The following RAPGEF6 variants were observed in gnomAD, a reference collection of about 807,000 sequenced individuals.
RAPGEF6 encodes the protein Rap guanine nucleotide exchange factor 6.
Under a neutral mutation model 171.4 loss-of-function variants are expected in RAPGEF6, and 56 were observed. The ratio of observed to expected loss-of-function variants is 0.33; its 90% CI spans 0.26 to 0.41. The LOEUF (loss-of-function observed/expected upper bound fraction) is 0.41, where lower values mean the gene tolerates loss of function less well. Among genes scored for constraint, RAPGEF6 ranks in the 10% least tolerant of loss-of-function variants. The pLI, the probability that RAPGEF6 is intolerant of heterozygous loss-of-function variation, is 1.00. For missense variants in RAPGEF6, 1,674 were observed against 1,921.4 expected, an observed-to-expected ratio of 0.87 and a Z score of 2.41; for synonymous variants, 692 against 650.1, an observed-to-expected ratio of 1.06 and a Z score of -0.98.
In RAPGEF6 at chr5:131,479,593, A is replaced by G. The variant is rs769713702; in HGVS notation, c.2001T>C (p.Asn667=). ...TTTTGTTTCTTCCACCTGAAACAGTATTTGCTTTAACTTTCTTACTTCCTT... is the reference window on the plus strand; with the variant it reads ...TTTTGTTTCTTCCACCTGAAACAGTGTTTGCTTTAACTTTCTTACTTCCTT... The part of the protein sequence containing the change: ...QEKGSKKVKA[N]TVSGGRNKIR... Residue 667 remains asparagine (N), a synonymous_variant, in exon 16 of 28, where the codon AAT becomes AAC. Coordinates refer to ENST00000509018, the MANE Select transcript of RAPGEF6 (RefSeq NM_016340.6). 1.9e-6 allele frequency: 3 copies of G among 1,613,812 alleles called. No homozygotes were observed. Among genetic ancestry groups the G allele is most frequent in the Non-Finnish European group, 2.5e-6 (3 of 1,179,948 alleles).
chr5:131,530,475 C>T (rs550611368), intron 6 of RAPGEF6, among the ~76,000 whole-genome samples: 2 of 151,934 alleles, frequency 1.3e-5, no homozygotes, highest in Non-Finnish European at 2.9e-5. Context: ...GTAGCATAGG[C>T]AAAAATACAT....
chr5:131,489,587 T>C lies in RAPGEF6; in HGVS notation c.1799A>G (p.Asn600Ser). ...TFMKAVEILR[N>S]NTHLALTVKT... ...CACAGTAAGTGCAAGATGAGTATTA[T>C]TCCTCAAAATTTCAACGGCTTTCAT... is the stretch of plus-strand genomic sequence containing the variant. The change falls in exon 15 of 28, where the codon AAT (asparagine) becomes AGT (serine). Residue 600 changes from asparagine (N) to serine (S), a missense_variant. Asn to Ser is a conservative substitution (Grantham distance 46). Around this residue, in one of 3 missense-constraint regions of RAPGEF6, gnomAD observed 1,116 missense variants for 1,321.5 expected, o/e 0.84. Transcript: ENST00000509018. 2 of 1,601,062 alleles carry C rather than the reference T, an allele frequency of 1.2e-6. No individual in the cohort carries two copies. Among genetic ancestry groups the C allele is most frequent in the Non-Finnish European group, 1.7e-6 (2 of 1,174,092 alleles).
At chr5:131,591,607 T>C in intron 4 of RAPGEF6, among the ~76,000 whole-genome samples, 1 of 152,188 alleles carries the variant, frequency 6.6e-6, no homozygotes, top group East Asian at 1.9e-4. Context: ...TAGACTTCTG[T>C]TGAGAACATT....
intron 15 of RAPGEF6, among the ~76,000 whole-genome samples, chr5:131,483,977 T>C (rs977357619): frequency 4.0e-5 from 6 of 150,130 alleles, no homozygotes; most frequent in African/African-American, 1.5e-4. Flanking sequence ...GCACCTGTAG[T>C]CCCAGCTACT....
At chr5:131,509,844 TAACA>T (rs1258654995) in intron 8 of RAPGEF6, among the ~76,000 whole-genome samples, 5 of 152,312 alleles carry the variant, frequency 3.3e-5, no homozygotes, top group African/African-American at 1.2e-4. Flanking sequence ...TTACCTGGTA[TAACA>T]AACAGAATTT....
intron 6 of RAPGEF6, among the ~76,000 whole-genome samples, chr5:131,532,566 C>T (rs887291135): frequency 6.6e-5 from 10 of 152,046 alleles, no homozygotes; most frequent in African/African-American, 2.4e-4. Context: ...TTTTCTTCAA[C>T]TTATTTCATT....
intron 1 of RAPGEF6, among the ~76,000 whole-genome samples, chr5:131,621,077 C>T (rs1486267521): frequency 3.9e-5 from 6 of 152,314 alleles, no homozygotes; most frequent in East Asian, 1.9e-4. Flanking sequence ...ACATACCATA[C>T]GTATCCTGTG....
At chr5:131,633,024 T>C (rs527881649) in intron 1 of RAPGEF6, among the ~76,000 whole-genome samples, 1 of 152,254 alleles carries the variant, frequency 6.6e-6, no homozygotes, top group Admixed American at 6.5e-5. Context: ...GTTTAGAAAA[T>C]TTCCTAAGGC....
chr5:131,589,040 A>T (rs1763433817), intron 4 of RAPGEF6, among the ~76,000 whole-genome samples: 1 of 152,144 alleles, frequency 6.6e-6, no homozygotes, highest in Non-Finnish European at 1.5e-5. Flanking sequence ...ACTGCATTCC[A>T]ACCTGGGTGA....
rs550324960 is a variant in RAPGEF6, at chr5:131,442,009, C to T, written c.3610+340G>A. 2.0e-5 allele frequency among the ~76,000 whole-genome samples: 3 copies of T among 152,290 alleles called. No homozygotes were observed. The South Asian group carries it at 6.2e-4, about 32-fold the overall frequency. ...GTATAGTCATTTTTGGAATAAGCAA[C>T]TTCATTTCCACAGTTTTTGTAGGTT... On this transcript the variant is annotated intron_variant, in intron 23 of 27. Transcript: ENST00000509018.
intron 15 of RAPGEF6, among the ~76,000 whole-genome samples, chr5:131,480,655 C>T: frequency 6.6e-6 from 1 of 151,888 alleles, no homozygotes; most frequent in East Asian, 1.9e-4. Context: ...ATTTTTGTAT[C>T]TTCAGTAGAA....
intron 1 of RAPGEF6, among the ~76,000 whole-genome samples, chr5:131,634,246 C>T (rs545481776): frequency 1.3e-5 from 2 of 152,302 alleles, no homozygotes; most frequent in African/African-American, 2.4e-5. Flanking sequence ...CAAGGAAAAC[C>T]TTCCCCAAAA....
In RAPGEF6 at chr5:131,535,771, T is replaced by TA. The variant is rs113002774; in HGVS notation, c.495+12275dup. On this transcript the variant is annotated intron_variant, in intron 6 of 27. Transcript: ENST00000509018. ...AAACAAAAATACAAACTGAAATACTTAAAATCATATTGTTTAGAAAGCCAA... is the reference window on the plus strand; with the variant it reads ...AAACAAAAATACAAACTGAAATACTTAAAAATCATATTGTTTAGAAAGCCAA... Among the ~76,000 whole-genome samples the TA allele has an allele frequency of 1.8e-3, 269 of 152,272 alleles. 1 individual carries two copies. Among genetic ancestry groups the TA allele is most frequent in the African/African-American group, 5.8e-3 (241 of 41,566 alleles).
chr5:131,503,642 C>A (rs1229057633), intron 11 of RAPGEF6, among the ~76,000 whole-genome samples: 1 of 152,146 alleles, frequency 6.6e-6, no homozygotes, highest in Non-Finnish European at 1.5e-5. Flanking sequence ...AATAATTTCG[C>A]CAAGACTAGC....
intron 13 of RAPGEF6, 29 bp downstream of exon 13, chr5:131,495,524 T>G (rs571416594): frequency 1.3e-6 from 2 of 1,583,602 alleles, no homozygotes; most frequent in African/African-American, 1.3e-5. Context: ...CACTACACTC[T>G]GAAGAATAGA....
intron 6 of RAPGEF6, among the ~76,000 whole-genome samples, chr5:131,522,564 T>C (rs999979098): frequency 6.6e-6 from 1 of 152,128 alleles, no homozygotes; most frequent in Non-Finnish European, 1.5e-5. Flanking sequence ...AAATTACACA[T>C]AAAGTACATC....
rs1752935783 is a variant in RAPGEF6, at chr5:131,449,677, G to A, written c.3201-2974C>T. On this transcript the variant is annotated intron_variant, in intron 21 of 27. Coordinates refer to ENST00000509018, the MANE Select transcript of RAPGEF6 (RefSeq NM_016340.6). ...GGAAAGAAAAGTATCTCCTTTATAG[G>A]GTAGTAGTAGAATTAAGTAAGATAA... Among the ~76,000 whole-genome samples, 3 of 152,096 alleles carry A rather than the reference G, an allele frequency of 2.0e-5. No homozygotes were observed. In the South Asian group the frequency reaches 6.2e-4, roughly 32 times the overall value.
chr5:131,563,851 C>A (rs2149970086), intron 4 of RAPGEF6, among the ~76,000 whole-genome samples: 1 of 152,254 alleles, frequency 6.6e-6, no homozygotes, highest in South Asian at 2.1e-4. Flanking sequence ...TTGTTTCCCC[C>A]AAATTCTTGT....
intron 6 of RAPGEF6, among the ~76,000 whole-genome samples, chr5:131,533,650 T>A (rs1022102872): frequency 2.0e-5 from 3 of 152,118 alleles, no homozygotes; most frequent in Non-Finnish European, 4.4e-5. Flanking sequence ...AATTTCATTT[T>A]GCAAAGGGAA....
Sources: gnomAD v4.1 joint callset for allele counts (sites outside exome capture counted in the v4.1 genomes callset) on GRCh38, gnomAD v4.1.1 for gene constraint, gnomAD v4.1.1 regional missense constraint, MANE v1.5 for transcripts, NCBI Gene and HGNC (gene_info 2026-07-23, HGNC 2026-07-21) for gene names.